Variants in ANXA4 observed in about 807,000 individuals in gnomAD.
ANXA4 encodes annexin A4.
In ANXA4, 39 loss-of-function variants were observed where a neutral mutation model predicts 49.8. The ratio of observed to expected loss-of-function variants is 0.78; its 90% CI spans 0.61 to 1.02. The LOEUF (loss-of-function observed/expected upper bound fraction) is 1.02. ANXA4 is among the 50% of genes least tolerant of loss of function. The pLI, the probability that ANXA4 is intolerant of heterozygous loss-of-function variation, is 0.00. For missense variants in ANXA4, 360 were observed against 410.1 expected, an observed-to-expected ratio of 0.88 and a Z score of 1.05; for synonymous variants, 134 against 152.5, an observed-to-expected ratio of 0.88 and a Z score of 0.89.
At chr2:69,791,237 G>A (rs1293771305) in intron 3 of ANXA4, among the ~76,000 whole-genome samples, 1 of 152,238 alleles carries the variant, frequency 6.6e-6, no homozygotes, top group Non-Finnish European at 1.5e-5. Context: ...CCTGTATGGA[G>A]ACTGTGTAGA....
intron 2 of ANXA4, among the ~76,000 whole-genome samples, chr2:69,670,438 C>CAAAAA (rs748196181): frequency 4.5e-5 from 2 of 44,790 alleles, no homozygotes; most frequent in Non-Finnish European, 9.2e-5. Flanking sequence ...GACTCAATCT[C>CAAAAA]AAAAAAAAAA....
At chr2:69,655,420 T>C (rs1299570574) in intron 2 of ANXA4, among the ~76,000 whole-genome samples, 1 of 151,974 alleles carries the variant, frequency 6.6e-6, no homozygotes, top group Non-Finnish European at 1.5e-5. Flanking sequence ...AAAAAACATA[T>C]GAAAAAAAGC....
intron 3 of ANXA4, among the ~76,000 whole-genome samples, chr2:69,731,008 C>T (rs1461823969): frequency 6.7e-6 from 1 of 149,282 alleles, no homozygotes; most frequent in African/African-American, 2.6e-5. Context: ...AAGTGCTGGC[C>T]CTGAGGAGTG....
intron 2 of ANXA4, among the ~76,000 whole-genome samples, chr2:69,692,990 G>A (rs1246146925): frequency 2.6e-5 from 4 of 152,170 alleles, no homozygotes; most frequent in African/African-American, 4.8e-5. Context: ...GTGAGGTGGG[G>A]GAGGGATGGT....
At chr2:69,801,497 C>T (rs989179142) in intron 3 of ANXA4, among the ~76,000 whole-genome samples, 5 of 151,964 alleles carry the variant, frequency 3.3e-5, no homozygotes, top group Admixed American at 1.3e-4. Context: ...CTCCACCTCC[C>T]GGGTTCAAGT....
chr2:69,685,769 GC>G (rs1332077334), intron 2 of ANXA4, among the ~76,000 whole-genome samples: 1 of 152,182 alleles, frequency 6.6e-6, no homozygotes, highest in Admixed American at 6.5e-5. Context: ...TAACGTGGTT[GC>G]CAAAAAAACT....
chr2:69,814,785 T>A (rs1673897708), intron 8 of ANXA4: 1 of 114,272 alleles, frequency 8.8e-6, no homozygotes, highest in Non-Finnish European at 1.6e-5. Context: ...TGTGTGTGTG[T>A]GTGTGTGTGA....
At chr2:69,675,931 C>T (rs1293759800) in intron 2 of ANXA4, among the ~76,000 whole-genome samples, 3 of 150,520 alleles carry the variant, frequency 2.0e-5, no homozygotes, top group Admixed American at 6.6e-5. Context: ...GGTGTGAACC[C>T]GGAAGGCAGA....
chr2:69,717,028 A>G (rs877123), intron 2 of ANXA4, among the ~76,000 whole-genome samples: 107,184 of 151,914 alleles, frequency 0.71, 39,455 homozygotes, highest in Middle Eastern at 0.88. Flanking sequence ...GAAACCAATC[A>G]AGAAACAAGG....
At chr2:69,714,606 T>G (rs2105413458) in intron 2 of ANXA4, among the ~76,000 whole-genome samples, 1 of 152,300 alleles carries the variant, frequency 6.6e-6, no homozygotes, top group Middle Eastern at 3.4e-3. Context: ...TCCTGTGTTG[T>G]CCCCACAGCT....
chr2:69,645,775 A>AT (rs1675988365), intron 1 of ANXA4, among the ~76,000 whole-genome samples: 1 of 152,206 alleles, frequency 6.6e-6, no homozygotes, highest in Non-Finnish European at 1.5e-5. Flanking sequence ...CCATTCCCTC[A>AT]CAGACTAATA....
At chr2:69,735,449 G>A (rs761074570) in intron 3 of ANXA4, among the ~76,000 whole-genome samples, 1 of 152,102 alleles carries the variant, frequency 6.6e-6, no homozygotes, top group Non-Finnish European at 1.5e-5. Context: ...GGGTGCTTTA[G>A]AACACTAGTC....
In ANXA4 at chr2:69,808,000, C is replaced by G. The variant is rs757798574; in HGVS notation, c.397+4C>G. 10 of 1,613,786 alleles carry G rather than the reference C, an allele frequency of 6.2e-6. No individual in the cohort carries two copies. The highest frequency in any genetic ancestry group is 1.1e-5 in the South Asian group (1 of 91,066). ...ATAAGCCAAACCTACCAGCAGCGTACGTGACATCCGCAGTGGCCCTGGCTG... is the reference window on the plus strand; with the variant it reads ...ATAAGCCAAACCTACCAGCAGCGTAGGTGACATCCGCAGTGGCCCTGGCTG... On this transcript the variant is annotated splice_donor_region_variant and intron_variant, in intron 6 of 12. Transcript: ENST00000394295.
intron 2 of ANXA4, among the ~76,000 whole-genome samples, chr2:69,679,720 A>G (rs745447726): frequency 7.2e-5 from 11 of 152,160 alleles, no homozygotes; most frequent in Non-Finnish European, 1.0e-4. Context: ...ATTTTTCTGT[A>G]GAAGCATATC....
At position 69,787,457 on chromosome 2, in the gene ANXA4, C is replaced by G. The variant is rs549034499; in HGVS notation, c.10-597C>G. Among the ~76,000 whole-genome samples the G allele has an allele frequency of 2.6e-5, 4 of 152,290 alleles. No homozygotes were observed. The South Asian group carries it at 8.3e-4, about 32-fold the overall frequency. On this transcript the variant is annotated intron_variant, in intron 2 of 12. Transcript: ENST00000394295. ...AGTCTGGATTTTGCTGACTGCAACCCTTTGGTGTGGTTTAACATTCTCCTT... is the reference window on the plus strand; with the variant it reads ...AGTCTGGATTTTGCTGACTGCAACCGTTTGGTGTGGTTTAACATTCTCCTT...
At chr2:69,658,072 C>A (rs549728710) in intron 2 of ANXA4, among the ~76,000 whole-genome samples, 4 of 152,032 alleles carry the variant, frequency 2.6e-5, no homozygotes, top group South Asian at 4.1e-4. Context: ...TCAACTTTAA[C>A]TTGAACGATC....
At chr2:69,765,995 G>A (rs552895454) in intron 1 of ANXA4, among the ~76,000 whole-genome samples, 2 of 152,330 alleles carry the variant, frequency 1.3e-5, no homozygotes, top group South Asian at 2.1e-4. Flanking sequence ...CTAAAATTTA[G>A]AAACAGGAAA....
intron 2 of ANXA4, among the ~76,000 whole-genome samples, chr2:69,690,264 A>T (rs1677916545): frequency 6.6e-6 from 1 of 152,112 alleles, no homozygotes; most frequent in South Asian, 2.1e-4. Context: ...TTTGAGACAG[A>T]GTCTCACTCT....
intron 2 of ANXA4, among the ~76,000 whole-genome samples, chr2:69,785,677 A>G (rs1295076827): frequency 1.3e-5 from 2 of 152,128 alleles, no homozygotes; most frequent in East Asian, 3.8e-4. Flanking sequence ...TTCGCAACAT[A>G]CAAGTGAGAA....
Sources: allele counts gnomAD v4.1 joint callset (sites outside exome capture counted in the v4.1 genomes callset), GRCh38; gene constraint gnomAD v4.1.1; transcripts MANE v1.5; gene names NCBI Gene and HGNC (gene_info 2026-07-23, HGNC 2026-07-21).